The following HYAL4 variants were observed in gnomAD, a reference collection of about 807,000 sequenced individuals.
The protein encoded by HYAL4 is hyaluronidase 4, also known as hyaluronidase-4.
A neutral mutation model predicts 35.2 loss-of-function variants in HYAL4; 37 were observed. That is an observed-to-expected ratio of 1.05 (90% confidence interval 0.81 to 1.38). The LOEUF (loss-of-function observed/expected upper bound fraction) is 1.38. Among genes scored for constraint, HYAL4 ranks in the 40% most tolerant of loss-of-function variants. HYAL4 has a pLI of 0.00. For synonymous variants in HYAL4, 198 were observed against 203.2 expected, an observed-to-expected ratio of 0.97 and a Z score of 0.22; for missense variants, 572 against 572.4, an observed-to-expected ratio of 1.00 and a Z score of 0.01.
the HYAL4 span, among the ~76,000 whole-genome samples, chr7:123,767,565 CA>C: frequency 1.3e-5 from 2 of 152,118 alleles, no homozygotes; most frequent in Non-Finnish European, 2.9e-5. Flanking sequence ...GAAAAACAAA[CA>C]AGCAAAACAG....
At chr7:123,787,098 A>G in the HYAL4 span, among the ~76,000 whole-genome samples, 2 of 138,632 alleles carry the variant, frequency 1.4e-5, no homozygotes, top group Non-Finnish European at 3.0e-5. Context: ...CAAGAGCAAA[A>G]CTCTGTCTCA....
the HYAL4 span, among the ~76,000 whole-genome samples, chr7:123,801,665 A>G: frequency 3.3e-5 from 5 of 152,178 alleles, no homozygotes; most frequent in South Asian, 2.1e-4. Context: ...GTTTGATTTT[A>G]TAATCTTTTT....
At chr7:123,818,173 G>T in the HYAL4 span, among the ~76,000 whole-genome samples, 3 of 152,160 alleles carry the variant, frequency 2.0e-5, no homozygotes, top group Admixed American at 2.0e-4. Flanking sequence ...CACTGCACCT[G>T]ACCAGTTGTC....
the HYAL4 span, among the ~76,000 whole-genome samples, chr7:123,789,836 GTA>G: frequency 6.6e-6 from 1 of 152,072 alleles, no homozygotes; most frequent in Non-Finnish European, 1.5e-5. Context: ...GTGTGTGTGT[GTA>G]TATATATCCT....
At chr7:123,804,699 C>T in the HYAL4 span, among the ~76,000 whole-genome samples, 4 of 152,198 alleles carry the variant, frequency 2.6e-5, no homozygotes, top group Admixed American at 6.5e-5. Flanking sequence ...ACTTCTTGGG[C>T]GGGATTTTGT....
chr7:123,864,905 A>G (rs552807727), intron 2 of HYAL4, among the ~76,000 whole-genome samples: 14 of 151,630 alleles, frequency 9.2e-5, no homozygotes, highest in South Asian at 2.1e-4. Flanking sequence ...ACACGGGCAC[A>G]GGATTTTACT....
the HYAL4 span, among the ~76,000 whole-genome samples, chr7:123,809,596 G>A: frequency 1.6e-4 from 24 of 151,700 alleles, no homozygotes; most frequent in Admixed American, 1.3e-3. Context: ...ACAGGGTTTC[G>A]CCTTGTTGCC....
At chr7:123,864,327 T>C (rs1236149962) in intron 2 of HYAL4, among the ~76,000 whole-genome samples, 1 of 152,166 alleles carries the variant, frequency 6.6e-6, no homozygotes, top group Non-Finnish European at 1.5e-5. Flanking sequence ...CCTTCCTATA[T>C]ATTCCCAGAA....
the HYAL4 span, among the ~76,000 whole-genome samples, chr7:123,782,646 C>T: frequency 1.3e-5 from 2 of 152,056 alleles, no homozygotes; most frequent in African/African-American, 4.8e-5. Flanking sequence ...AAAAGTGTTT[C>T]AGTATGGACA....
intron 4 of HYAL4, among the ~76,000 whole-genome samples, chr7:123,875,275 T>C (rs1411104766): frequency 6.6e-6 from 1 of 152,218 alleles, no homozygotes; most frequent in Non-Finnish European, 1.5e-5. Context: ...TTATATACTA[T>C]TTTGAGAGGT....
chr7:123,837,078 A>G (rs79801266), intron 1 of HYAL4, among the ~76,000 whole-genome samples: 1 of 152,306 alleles, frequency 6.6e-6, no homozygotes, highest in Admixed American at 6.5e-5. Context: ...GCTCCTTTTA[A>G]CAGTTCTTGT....
chr7:123,768,794 G>A, the HYAL4 span, among the ~76,000 whole-genome samples: 2 of 152,278 alleles, frequency 1.3e-5, no homozygotes, highest in African/African-American at 4.8e-5. Flanking sequence ...CCAAGAAAAG[G>A]AGCTGGTTCA....
the HYAL4 span, among the ~76,000 whole-genome samples, chr7:123,764,638 T>G: frequency 2.0e-5 from 3 of 152,326 alleles, no homozygotes; most frequent in African/African-American, 7.2e-5. Flanking sequence ...CTTGGGAGTT[T>G]TAAGAAACTT....
chr7:123,803,163 C>T, the HYAL4 span, among the ~76,000 whole-genome samples: 1 of 152,174 alleles, frequency 6.6e-6, no homozygotes, highest in South Asian at 2.1e-4. Flanking sequence ...GTGGCATGCA[C>T]CTCTAGTCCT....
At chr7:123,772,424 C>T in the HYAL4 span, among the ~76,000 whole-genome samples, 136 of 152,264 alleles carry the variant, frequency 8.9e-4, no homozygotes, top group Non-Finnish European at 1.6e-3. Context: ...ATACCTGAGA[C>T]ATGTGACACT....
At chr7:123,790,661 A>G in the HYAL4 span, 1 of 148,344 alleles carries the variant, frequency 6.7e-6, no homozygotes, top group South Asian at 2.1e-4. Flanking sequence ...GGCCATGCTA[A>G]TCTTCTCTGT....
At chr7:123,814,649 G>A in the HYAL4 span, 1 of 152,624 alleles carries the variant, frequency 6.6e-6, no homozygotes, top group Non-Finnish European at 1.5e-5. Flanking sequence ...AGAAATGAAA[G>A]TGGAAACAGT....
the HYAL4 span, among the ~76,000 whole-genome samples, chr7:123,797,953 G>A: frequency 6.6e-6 from 1 of 152,026 alleles, no homozygotes; most frequent in East Asian, 1.9e-4. Context: ...ATTTTAAAAA[G>A]TGCCCACAAT....
At chr7:123,861,013 C>T (rs1251784865) in intron 2 of HYAL4, among the ~76,000 whole-genome samples, 1 of 152,194 alleles carries the variant, frequency 6.6e-6, no homozygotes, top group Admixed American at 6.5e-5. Flanking sequence ...TTACCAGAGA[C>T]AAGACAATGT....
Sources: allele counts gnomAD v4.1 joint callset (sites outside exome capture counted in the v4.1 genomes callset), GRCh38; gene constraint gnomAD v4.1.1; transcripts MANE v1.5; gene names NCBI Gene and HGNC (gene_info 2026-07-23, HGNC 2026-07-21).